ZHX2: variants seen among roughly 807,000 people sequenced by gnomAD.
ZHX2 encodes zinc fingers and homeoboxes 2.
ZHX2 carries 6 observed loss-of-function variants against 21.9 expected under a neutral mutation model. That is an observed-to-expected ratio of 0.27 (90% CI 0.15 to 0.54). The LOEUF is 0.54. Among genes scored for constraint, ZHX2 ranks in the 20% least tolerant of loss-of-function variants. The pLI, the probability that ZHX2 is intolerant of heterozygous loss-of-function variation, is 0.95. For synonymous variants in ZHX2, 434 were observed against 437.1 expected, an observed-to-expected ratio of 0.99 and a Z score of 0.09; for missense variants, 908 against 1,090.7, an observed-to-expected ratio of 0.83 and a Z score of 2.36.
chr8:122,956,761 A>G (rs914372075), intron 3 of ZHX2, among the ~76,000 whole-genome samples: 2 of 152,188 alleles, frequency 1.3e-5, no homozygotes, highest in Admixed American at 6.5e-5. Context: ...GAATAGAAAG[A>G]TGCTTAGTGT....
At chr8:122,905,425 C>G (rs1820324285) in intron 2 of ZHX2, among the ~76,000 whole-genome samples, 1 of 152,116 alleles carries the variant, frequency 6.6e-6, no homozygotes, top group South Asian at 2.1e-4. Context: ...CCATCAAAAA[C>G]TATATTTCAG....
intron 1 of ZHX2, among the ~76,000 whole-genome samples, chr8:122,838,978 C>G (rs1221332296): frequency 6.6e-6 from 1 of 152,140 alleles, no homozygotes; most frequent in Non-Finnish European, 1.5e-5. Flanking sequence ...GATGAAATTA[C>G]AGCAAAATGT....
rs993865272 is a variant in ZHX2, at chr8:122,844,027, C to T, written c.-282-19450C>T. On this transcript the variant is annotated intron_variant, in intron 1 of 3. Coordinates refer to ENST00000314393, the MANE Select transcript of ZHX2 (RefSeq NM_014943.5). ...GATTTTCTGCAGTTAATTTTACATC[C>T]GCAAGGACCTCAGGAAGTCCTTCAA... Among the ~76,000 whole-genome samples the T allele has an allele frequency of 5.3e-5, 8 of 151,718 alleles. 1 individual carries two copies. In the South Asian group the frequency reaches 8.3e-4, roughly 16 times the overall value.
At chr8:122,855,718 TTTA>T (rs1819009448) in intron 1 of ZHX2, among the ~76,000 whole-genome samples, 1 of 152,064 alleles carries the variant, frequency 6.6e-6, no homozygotes, top group African/African-American at 2.4e-5. Context: ...CTCTGGAAAT[TTTA>T]TTTAGACCCA....
At position 122,952,229 on chromosome 8, in the gene ZHX2, G is replaced by A. The variant is rs1424651179; in HGVS notation, c.719G>A (p.Gly240Glu). ...GGVELLQDTL[G>E]HVMPSVQLPP... Reference sequence around the variant, plus strand: ...GTGGAGCTCCTCCAAGACACATTAGGACACGTCATGCCTTCTGTACAGCTG... The same window carrying A: ...GTGGAGCTCCTCCAAGACACATTAGAACACGTCATGCCTTCTGTACAGCTG... The change falls in exon 3 of 4, where the codon GGA (glycine) becomes GAA (glutamate). Residue 240 changes from glycine to glutamate, a missense_variant. Around this residue, in one of 4 missense-constraint regions of ZHX2, gnomAD observed 232 missense variants for 361.8 expected, o/e 0.64. Coordinates refer to ENST00000314393, the MANE Select transcript of ZHX2 (RefSeq NM_014943.5). This position sits in a 1 kb window ranked among gnomAD's most constrained non-coding sequence, Gnocchi z 6.9. 1 of 1,613,624 alleles carries A rather than the reference G, an allele frequency of 6.2e-7. No homozygotes were observed. The highest frequency in any genetic ancestry group is 8.5e-7 in the Non-Finnish European group (1 of 1,179,970).
intron 1 of ZHX2, among the ~76,000 whole-genome samples, chr8:122,808,311 G>A (rs564618167): frequency 1.5e-3 from 227 of 152,284 alleles, no homozygotes; most frequent in African/African-American, 4.7e-3. Context: ...ATTTATAAAG[G>A]AAAGAGGTTT....
intron 1 of ZHX2, among the ~76,000 whole-genome samples, chr8:122,808,227 G>A (rs1226923941): frequency 1.3e-5 from 2 of 152,182 alleles, no homozygotes; most frequent in African/African-American, 2.4e-5. Flanking sequence ...CAACTTCAGG[G>A]TTTTAAACAA....
At chr8:122,960,833 A>C (rs1305991288) in intron 3 of ZHX2, among the ~76,000 whole-genome samples, 1 of 152,178 alleles carries the variant, frequency 6.6e-6, no homozygotes, top group African/African-American at 2.4e-5. Context: ...GACATGGTTC[A>C]TTGTCCATAA....
chr8:122,786,942 G>A (rs1482093369), intron 1 of ZHX2, among the ~76,000 whole-genome samples: 1 of 152,020 alleles, frequency 6.6e-6, no homozygotes, highest in African/African-American at 2.4e-5. Context: ...ATTTTGAACT[G>A]AAAAAACTCG....
chr8:122,930,328 A>C (rs1820953942), intron 2 of ZHX2, among the ~76,000 whole-genome samples: 1 of 152,228 alleles, frequency 6.6e-6, no homozygotes, highest in African/African-American at 2.4e-5. Flanking sequence ...GTGACTTTCT[A>C]CAAAAAAGCA....
At chr8:122,919,256 T>C (rs1428190529) in intron 2 of ZHX2, among the ~76,000 whole-genome samples, 1 of 152,216 alleles carries the variant, frequency 6.6e-6, no homozygotes, top group African/African-American at 2.4e-5. Flanking sequence ...GCAGCTTAAG[T>C]TTTTTCTTAT....
At chr8:122,799,566 A>T (rs1817677508) in intron 1 of ZHX2, among the ~76,000 whole-genome samples, 1 of 152,190 alleles carries the variant, frequency 6.6e-6, no homozygotes, top group Non-Finnish European at 1.5e-5. Context: ...TTATGTTTTA[A>T]ATCTGGAATT....
At chr8:122,949,992 G>A (rs1055379517) in intron 2 of ZHX2, among the ~76,000 whole-genome samples, 2 of 152,078 alleles carry the variant, frequency 1.3e-5, no homozygotes, top group Non-Finnish European at 2.9e-5. Flanking sequence ...GCTGGATTGT[G>A]AGTAGTATTT....
chr8:122,868,573 C>A (rs1219602884), intron 2 of ZHX2, among the ~76,000 whole-genome samples: 1 of 152,000 alleles, frequency 6.6e-6, no homozygotes, highest in Non-Finnish European at 1.5e-5. Context: ...TGGTGGCAGG[C>A]ACCTGTAGTC....
intron 3 of ZHX2, among the ~76,000 whole-genome samples, chr8:122,970,614 T>A (rs995073375): frequency 6.6e-6 from 1 of 152,182 alleles, no homozygotes; most frequent in Non-Finnish European, 1.5e-5. Flanking sequence ...TTTAGCCGGG[T>A]TGGGAGAAAG....
intron 3 of ZHX2, among the ~76,000 whole-genome samples, chr8:122,964,433 G>A (rs1428494433): frequency 6.6e-6 from 1 of 151,804 alleles, no homozygotes; most frequent in Non-Finnish European, 1.5e-5. Flanking sequence ...TTTTTTTAAT[G>A]TGGTGTATCA....
intron 3 of ZHX2, among the ~76,000 whole-genome samples, chr8:122,967,753 A>G (rs576303635): frequency 6.6e-6 from 1 of 152,200 alleles, no homozygotes; most frequent in Non-Finnish European, 1.5e-5. Context: ...AGTTGCTGTA[A>G]TGGCTTGAGT....
chr8:122,908,578 A>G (rs935136616), intron 2 of ZHX2, among the ~76,000 whole-genome samples: 1 of 152,126 alleles, frequency 6.6e-6, no homozygotes, highest in East Asian at 1.9e-4. Flanking sequence ...ATCCGAGCCT[A>G]TAGTGGTCCT....
rs540123869 is a variant in ZHX2, at chr8:122,944,631, C to T, written c.-219-6661C>T. On this transcript the variant is annotated intron_variant, in intron 2 of 3. Transcript: ENST00000314393. ...CCTCCATGGTGAGCTCTCCACGAGCCGCAATTTCTGTCCATCCACCGCTGT... is the reference window on the plus strand; with the variant it reads ...CCTCCATGGTGAGCTCTCCACGAGCTGCAATTTCTGTCCATCCACCGCTGT... Among the ~76,000 whole-genome samples, 80 of 152,248 alleles carry T rather than the reference C, an allele frequency of 5.3e-4. 1 individual carries two copies. The highest frequency in any genetic ancestry group is 1.4e-3 in the Admixed American group (21 of 15,296).
Sources: allele counts gnomAD v4.1 joint callset (sites outside exome capture counted in the v4.1 genomes callset), GRCh38; gene constraint gnomAD v4.1.1; regional missense constraint gnomAD v4.1.1; non-coding constraint Gnocchi (gnomAD v3.1); transcripts MANE v1.5; gene names NCBI Gene and HGNC (gene_info 2026-07-23, HGNC 2026-07-21).